The following CEP85 variants were observed in gnomAD, a reference collection of about 807,000 sequenced individuals.
The protein encoded by CEP85 is centrosomal protein of 85 kDa.
Under a neutral mutation model 93.7 loss-of-function variants are expected in CEP85, and 58 were observed. The observed-to-expected ratio is 0.62, with a 90% CI of 0.50 to 0.77. CEP85 has a LOEUF of 0.77. CEP85 is among the 30% of genes least tolerant of loss of function. The pLI is 0.00. For synonymous variants in CEP85, 314 were observed against 338.6 expected (o/e 0.93, Z 0.80); for missense variants, 868 against 922.0 (o/e 0.94, Z 0.76).
At chr1:26,263,945 A>G (rs576642899) in intron 7 of CEP85, among the ~76,000 whole-genome samples, 3 of 152,348 alleles carry the variant, frequency 2.0e-5, no homozygotes, top group African/African-American at 4.8e-5. Flanking sequence ...GGACTCGAGT[A>G]TGAGCAGATT....
intron 8 of CEP85, 67 bp downstream of exon 8, chr1:26,268,702 A>G (rs1472400655): frequency 7.1e-7 from 1 of 1,411,482 alleles, no homozygotes; most frequent in African/African-American, 1.4e-5. Context: ...CTTTTTCATC[A>G]TCTGCTGTAT....
rs67466493 is a variant in CEP85, at chr1:26,238,202, C to CTTTTTTTTTTTTT, written c.-22-1556_-22-1544dup. Among the ~76,000 whole-genome samples the CTTTTTTTTTTTTT allele has an allele frequency of 1.4e-4, 12 of 88,294 alleles. 2 individuals are homozygous for CTTTTTTTTTTTTT. Among genetic ancestry groups the CTTTTTTTTTTTTT allele is most frequent in the African/African-American group, 1.8e-4 (4 of 22,144 alleles). 57.9% of individuals were successfully genotyped at this position (88,294 alleles called of 152,430 possible). ...TATGTTCTGTGAATTGTCCCAAACT[C>CTTTTTTTTTTTTT]TTTTTTTTTTTTTTTTGAGACGGAG... On this transcript the variant is annotated intron_variant, in intron 1 of 13. Transcript: ENST00000451429.
chr1:26,254,143 C>T (rs1049284812), intron 3 of CEP85, among the ~76,000 whole-genome samples: 7 of 151,954 alleles, frequency 4.6e-5, no homozygotes, highest in African/African-American at 9.7e-5. Context: ...CGCTCTTCTC[C>T]GTGGTAGATA....
At position 26,268,379 on chromosome 1, in the gene CEP85, G is replaced by T. The variant is rs1232330267; in HGVS notation, c.1342-104G>T. On this transcript the variant is annotated intron_variant, in intron 7 of 13. Coordinates refer to ENST00000451429, the MANE Select transcript of CEP85 (RefSeq NM_001319944.2). Reference sequence around the variant, plus strand: ...GGGCTGAGGTAGGAGGATCACTTGAGCCTGGGAGGTGGAGGCTGCAGTCAG... The same window carrying T: ...GGGCTGAGGTAGGAGGATCACTTGATCCTGGGAGGTGGAGGCTGCAGTCAG... 4 of 1,314,890 alleles carry T rather than the reference G, an allele frequency of 3.0e-6. No homozygotes were observed. The African/African-American group carries it at 5.9e-5, about 19-fold the overall frequency. The allele number at this position is 1,314,890 out of a possible 1,614,324, so 81.5% of individuals were successfully genotyped here. A position where few individuals can be genotyped will look rare whatever the true frequency, so the allele number is the denominator to read the frequency against.
At chr1:26,259,309 C>T (rs1450586059) in intron 6 of CEP85, among the ~76,000 whole-genome samples, 1 of 152,164 alleles carries the variant, frequency 6.6e-6, no homozygotes, top group Non-Finnish European at 1.5e-5. Context: ...TGCTTTAAGG[C>T]AGTGGTTCTC....
chr1:26,256,844 G>A (rs557826738), intron 4 of CEP85, among the ~76,000 whole-genome samples: 163 of 151,618 alleles, frequency 1.1e-3, no homozygotes, highest in Admixed American at 2.2e-3. Flanking sequence ...TGATCCGCCC[G>A]CCTCAGCCTC....
intron 3 of CEP85, among the ~76,000 whole-genome samples, chr1:26,251,456 G>C (rs1433093025): frequency 6.6e-6 from 1 of 151,142 alleles, no homozygotes; most frequent in Non-Finnish European, 1.5e-5. Flanking sequence ...TCTCCACGTT[G>C]ATCAGGCTGG....
chr1:26,257,834 G>A (rs2089732166), intron 5 of CEP85, 104 bp downstream of exon 5: 2 of 1,318,284 alleles, frequency 1.5e-6, no homozygotes, highest in South Asian at 2.7e-5. Context: ...CTCTGTTTAG[G>A]TCCATGTCTT....
chr1:26,245,261 T>G (rs1216867421), intron 3 of CEP85, among the ~76,000 whole-genome samples: 1 of 151,700 alleles, frequency 6.6e-6, no homozygotes, highest in African/African-American at 2.4e-5. Context: ...ACTCTTTGCC[T>G]GAAACGATCC....
chr1:26,268,732 C>A, intron 8 of CEP85, 97 bp downstream of exon 8: 1 of 1,227,068 alleles, frequency 8.1e-7, no homozygotes, highest in Non-Finnish European at 1.1e-6. Context: ...CTGTGACTTG[C>A]TGAAAGGAGA....
chr1:26,269,392 G>A (rs1365114183), intron 8 of CEP85, 68 bp from the exon 9 acceptor site: 105 of 1,494,298 alleles, frequency 7.0e-5, no homozygotes, highest in Non-Finnish European at 9.0e-5. Flanking sequence ...TTGTGACACC[G>A]AGGAACAAGC....
chr1:26,246,210 A>G (rs1005444836), intron 3 of CEP85, among the ~76,000 whole-genome samples: 13 of 152,210 alleles, frequency 8.5e-5, no homozygotes, highest in Non-Finnish European at 1.0e-4. Flanking sequence ...GGTTAAACAT[A>G]GAGTTATTCC....
intron 1 of CEP85, among the ~76,000 whole-genome samples, chr1:26,235,567 CT>C (rs1192252673): frequency 4.7e-4 from 45 of 95,578 alleles, no homozygotes; most frequent in Admixed American, 3.1e-3. Context: ...GATTGTAATT[CT>C]TTTTTTTTTT....
intron 1 of CEP85, among the ~76,000 whole-genome samples, chr1:26,238,447 C>T (rs553758533): frequency 4.7e-4 from 71 of 151,978 alleles, no homozygotes; most frequent in African/African-American, 1.6e-3. Context: ...CCGCCTGCCT[C>T]GGCCTCCCAA....
At chr1:26,259,565 C>A in intron 6 of CEP85, 52 bp from the exon 7 acceptor site, 1 of 1,464,304 alleles carries the variant, frequency 6.8e-7, no homozygotes, top group Non-Finnish European at 9.3e-7. Flanking sequence ...AAGTAAAGTA[C>A]ATGAGACTAT....
At chr1:26,250,563 T>C (rs2089589714) in intron 3 of CEP85, among the ~76,000 whole-genome samples, 1 of 152,206 alleles carries the variant, frequency 6.6e-6, no homozygotes, top group Admixed American at 6.6e-5. Context: ...TTAATATAAA[T>C]AGATAAACCC....
intron 2 of CEP85, among the ~76,000 whole-genome samples, chr1:26,243,155 G>T: frequency 6.7e-6 from 1 of 149,824 alleles, no homozygotes; most frequent in Non-Finnish European, 1.5e-5. Flanking sequence ...TTTCTGAGAT[G>T]GGGTTTCGCT....
chr1:26,239,941 G>A (rs1195142300), intron 2 of CEP85, 103 bp downstream of exon 2: 31 of 838,632 alleles, frequency 3.7e-5, no homozygotes, highest in Non-Finnish European at 3.7e-5. Context: ...TGAAATGCTG[G>A]TGCTAAAAGA....
At chr1:26,246,531 C>T (rs1255110176) in intron 3 of CEP85, among the ~76,000 whole-genome samples, 1 of 151,754 alleles carries the variant, frequency 6.6e-6, no homozygotes, top group Non-Finnish European at 1.5e-5. Context: ...CTCAGGAGTT[C>T]GAGACCAGCC....
Sources: allele counts gnomAD v4.1 joint callset (sites outside exome capture counted in the v4.1 genomes callset), GRCh38; gene constraint gnomAD v4.1.1; transcripts MANE v1.5; gene names NCBI Gene and HGNC (gene_info 2026-07-23, HGNC 2026-07-21).